RMDN2: variants seen among roughly 807,000 people sequenced by gnomAD.
The protein encoded by RMDN2 is regulator of microtubule dynamics 2.
Under a neutral mutation model 52.8 loss-of-function variants are expected in RMDN2, and 61 were observed. The ratio of observed to expected loss-of-function variants is 1.16; its 90% CI spans 0.94 to 1.43. The LOEUF is 1.43. RMDN2 is among the 40% of genes most tolerant of loss of function. The pLI, the probability that RMDN2 is intolerant of heterozygous loss-of-function variation, is 0.00. For synonymous variants in RMDN2, 180 were observed against 153.1 expected, an observed-to-expected ratio of 1.18 and a Z score of -1.30; for missense variants, 592 against 475.3, an observed-to-expected ratio of 1.25 and a Z score of -2.28.
At chr2:37,998,478 A>G (rs1675873281) in intron 8 of RMDN2, 1 of 152,264 alleles carries the variant, frequency 6.6e-6, no homozygotes, top group African/African-American at 2.4e-5. Context: ...GTGAGCCATG[A>G]TCACACCACT....
At chr2:37,948,033 A>T (rs1036522393) in intron 2 of RMDN2, among the ~76,000 whole-genome samples, 1 of 152,082 alleles carries the variant, frequency 6.6e-6, no homozygotes. Context: ...ACCTCAGAAG[A>T]CGCTTCTGCC....
intron 2 of RMDN2, among the ~76,000 whole-genome samples, chr2:37,936,476 T>G (rs914077739): frequency 1.3e-5 from 2 of 152,194 alleles, no homozygotes; most frequent in African/African-American, 2.4e-5. Context: ...CACACTGTCT[T>G]CCAAAATGGT....
intron 8 of RMDN2, among the ~76,000 whole-genome samples, chr2:38,002,512 T>G (rs1676458004): frequency 6.6e-6 from 1 of 152,226 alleles, no homozygotes; most frequent in Admixed American, 6.5e-5. Context: ...TTTCTATCAA[T>G]GTGCACATTT....
chr2:38,004,987 T>C (rs1676875290), intron 10 of RMDN2, among the ~76,000 whole-genome samples: 1 of 152,100 alleles, frequency 6.6e-6, no homozygotes, highest in Non-Finnish European at 1.5e-5. Flanking sequence ...CTGAGAATGA[T>C]GGTTTCCAGC....
intron 10 of RMDN2, among the ~76,000 whole-genome samples, chr2:38,045,302 T>C (rs945785779): frequency 3.3e-5 from 5 of 152,360 alleles, no homozygotes; most frequent in African/African-American, 1.2e-4. Flanking sequence ...GAACCAGTTT[T>C]GCATTTCTAT....
intron 2 of RMDN2, among the ~76,000 whole-genome samples, chr2:37,956,205 G>T (rs1669437339): frequency 6.6e-6 from 1 of 152,076 alleles, no homozygotes; most frequent in Non-Finnish European, 1.5e-5. Flanking sequence ...TTCACTTTTT[G>T]GGAGGTTTTT....
intron 10 of RMDN2, among the ~76,000 whole-genome samples, chr2:38,032,547 A>G (rs928312816): frequency 6.6e-6 from 1 of 152,256 alleles, no homozygotes; most frequent in African/African-American, 2.4e-5. Context: ...TGAAATAAAC[A>G]TTCACTTACA....
intron 7 of RMDN2, 142 bp downstream of exon 7, chr2:37,991,439 A>G (rs1270266644): frequency 2.8e-5 from 9 of 325,574 alleles, no homozygotes. Context: ...ATTTTAATGT[A>G]TAATATATAT....
At chr2:37,990,189 A>C (rs1391409580) in intron 6 of RMDN2, among the ~76,000 whole-genome samples, 1 of 151,018 alleles carries the variant, frequency 6.6e-6, no homozygotes, top group African/African-American at 2.4e-5. Context: ...TTCTGAAAGA[A>C]GTCACGGAGT....
chr2:37,946,055 A>G (rs1352102579), intron 2 of RMDN2, among the ~76,000 whole-genome samples: 4 of 152,204 alleles, frequency 2.6e-5, no homozygotes, highest in Non-Finnish European at 4.4e-5. Context: ...TGGGTTCAAC[A>G]TACTATATTT....
At chr2:38,018,424 A>G (rs1478286613), downstream of RMDN2, among the ~76,000 whole-genome samples, 2 of 152,238 alleles carry the variant, frequency 1.3e-5, no homozygotes, top group Non-Finnish European at 2.9e-5. Context: ...AAATAATCAT[A>G]AAGAGTAAAG....
intron 10 of RMDN2, among the ~76,000 whole-genome samples, chr2:38,027,671 C>T (rs1489782222): frequency 6.6e-6 from 1 of 152,140 alleles, no homozygotes; most frequent in Non-Finnish European, 1.5e-5. Context: ...CAATAGTAAC[C>T]TTGTGCTTTG....
intron 8 of RMDN2, among the ~76,000 whole-genome samples, chr2:38,003,576 A>G (rs1272148790): frequency 6.6e-6 from 1 of 151,734 alleles, no homozygotes; most frequent in South Asian, 2.1e-4. Flanking sequence ...AGATAGATAG[A>G]TAGATAGATA....
chr2:37,921,649 T>C (rs1666034458), upstream of RMDN2, among the ~76,000 whole-genome samples: 1 of 152,194 alleles, frequency 6.6e-6, no homozygotes, highest in Non-Finnish European at 1.5e-5. Flanking sequence ...TTCTTGTAAA[T>C]GGTGCTATGA....
At chr2:38,036,701 C>A (rs576962043) in intron 10 of RMDN2, 2 of 152,328 alleles carry the variant, frequency 1.3e-5, no homozygotes, top group Non-Finnish European at 2.9e-5. Flanking sequence ...CACATCAAAG[C>A]TCTTTTCTTC....
At chr2:38,010,512 G>C (rs773176799) in intron 10 of RMDN2, among the ~76,000 whole-genome samples, 1 of 152,214 alleles carries the variant, frequency 6.6e-6, no homozygotes, top group African/African-American at 2.4e-5. Context: ...CTCCGAGCCA[G>C]GAGAGGGATA....
intron 10 of RMDN2, among the ~76,000 whole-genome samples, chr2:38,043,941 C>G (rs1458082448): frequency 6.6e-6 from 1 of 151,916 alleles, no homozygotes; most frequent in African/African-American, 2.4e-5. Context: ...TTCACTTATT[C>G]CTTATCTGAT....
intron 5 of RMDN2, among the ~76,000 whole-genome samples, chr2:37,982,785 T>C (rs1386825937): frequency 6.6e-6 from 1 of 152,158 alleles, no homozygotes. Context: ...TTGGCAATTA[T>C]TTATGTTAGC....
At chr2:38,062,001 T>C (rs1682071879) in intron 10 of RMDN2, among the ~76,000 whole-genome samples, 1 of 152,222 alleles carries the variant, frequency 6.6e-6, no homozygotes, top group Admixed American at 6.5e-5. Context: ...TTGTTCAGTG[T>C]TGCCATCTCG....
Sources: allele counts gnomAD v4.1 joint callset (sites outside exome capture counted in the v4.1 genomes callset), GRCh38; gene constraint gnomAD v4.1.1; transcripts MANE v1.5; gene names NCBI Gene and HGNC (gene_info 2026-07-23, HGNC 2026-07-21).